ZFHX3: variants seen among roughly 807,000 people sequenced by gnomAD.
ZFHX3 encodes the protein zinc finger homeobox protein 3.
ZFHX3 carries 42 observed loss-of-function variants against 279.1 expected under a neutral mutation model. The observed-to-expected ratio is 0.15, with a 90% confidence interval of 0.12 to 0.19. The LOEUF (loss-of-function observed/expected upper bound fraction) is 0.19, where lower values mean the gene tolerates loss of function less well. Ranked by LOEUF, ZFHX3 falls within the 10% of genes least tolerant of loss-of-function variation. The pLI is 1.00. For synonymous variants in ZFHX3, 2,293 were observed against 1,957.8 expected (o/e 1.17, Z -4.52); for missense variants, 4,981 against 4,754.0 (o/e 1.05, Z -1.40).
At chr16:73,137,171 C>T (rs1452402755) in intron 6 of ZFHX3, 4 of 152,066 alleles carry the variant, frequency 2.6e-5, no homozygotes, top group Non-Finnish European at 5.9e-5. Flanking sequence ...TTTGTAGATA[C>T]CTACACTGCA....
rs565526515 is a variant in ZFHX3, at chr16:73,066,719, C to T, written c.-532-7707G>A. Among the ~76,000 whole-genome samples, 183 of 152,316 alleles carry T rather than the reference C, an allele frequency of 1.2e-3. 1 individual carries two copies. The highest frequency in any genetic ancestry group is 3.8e-3 in the African/African-American group (157 of 41,590). ...GGAAAGGAGAGGGCGCGGCGAGGGGCGCACCTCGCGCCCAGGGCCCACGCC... is the reference window on the plus strand; with the variant it reads ...GGAAAGGAGAGGGCGCGGCGAGGGGTGCACCTCGCGCCCAGGGCCCACGCC... On this transcript the variant is annotated intron_variant, in intron 8 of 17. Coordinates refer to the ZFHX3 transcript ENST00000641206.
chr16:73,853,406 T>C (rs1320105185), intron 1 of ZFHX3, among the ~76,000 whole-genome samples: 4 of 152,196 alleles, frequency 2.6e-5, no homozygotes, highest in Admixed American at 1.3e-4. Context: ...AGCAAAGTCA[T>C]GGACCTACGT....
intron 7 of ZFHX3, among the ~76,000 whole-genome samples, chr16:72,803,756 CCCA>C (rs1285525637): frequency 2.6e-5 from 4 of 152,204 alleles, no homozygotes; most frequent in African/African-American, 9.6e-5. Context: ...AATTATATCC[CCCA>C]CTCTATTCAC....
chr16:73,473,550 A>G (rs2018713389), intron 2 of ZFHX3, among the ~76,000 whole-genome samples: 1 of 152,078 alleles, frequency 6.6e-6, no homozygotes, highest in South Asian at 2.1e-4. Flanking sequence ...ATGAGACCAG[A>G]GTAGAATCAC....
At chr16:73,491,740 T>G (rs2019059853) in intron 2 of ZFHX3, among the ~76,000 whole-genome samples, 1 of 152,136 alleles carries the variant, frequency 6.6e-6, no homozygotes, top group African/African-American at 2.4e-5. Context: ...TAGCAGTGTA[T>G]AGAGACATTT....
At chr16:72,956,483 G>GC (rs1267639766) in intron 2 of ZFHX3, among the ~76,000 whole-genome samples, 1 of 152,166 alleles carries the variant, frequency 6.6e-6, no homozygotes, top group African/African-American at 2.4e-5. Flanking sequence ...TTTGGCAGCA[G>GC]CAGCTATCCT....
chr16:73,077,596 TAAGAG>T (rs1856977583), intron 8 of ZFHX3, among the ~76,000 whole-genome samples: 1 of 152,094 alleles, frequency 6.6e-6, no homozygotes, highest in Non-Finnish European at 1.5e-5. Context: ...AAGAAACGTT[TAAGAG>T]TTCATCCTGC....
chr16:73,602,094 T>C (rs1314968152), intron 2 of ZFHX3, among the ~76,000 whole-genome samples: 1 of 152,088 alleles, frequency 6.6e-6, no homozygotes, highest in Non-Finnish European at 1.5e-5. Flanking sequence ...ATGTTACCAC[T>C]GCACTCCAGC....
intron 2 of ZFHX3, among the ~76,000 whole-genome samples, chr16:73,674,603 A>C (rs2052935452): frequency 6.6e-6 from 1 of 152,202 alleles, no homozygotes; most frequent in African/African-American, 2.4e-5. Flanking sequence ...TGCCCTTGCA[A>C]TAGGACATGA....
chr16:73,423,493 C>T (rs919955138), intron 3 of ZFHX3, among the ~76,000 whole-genome samples: 2 of 152,082 alleles, frequency 1.3e-5, no homozygotes, highest in African/African-American at 4.8e-5. Context: ...GTCAGTGATG[C>T]GTTTAGGTCT....
intron 3 of ZFHX3, among the ~76,000 whole-genome samples, chr16:72,904,886 C>T (rs976137986): frequency 6.6e-6 from 1 of 152,154 alleles, no homozygotes; most frequent in African/African-American, 2.4e-5. Context: ...GGCTAGAGTG[C>T]AGTAGTGCCA....
intron 1 of ZFHX3, among the ~76,000 whole-genome samples, chr16:73,838,063 C>A (rs987557312): frequency 2.6e-5 from 4 of 152,234 alleles, no homozygotes; most frequent in Non-Finnish European, 5.9e-5. Context: ...TTAGCATTTA[C>A]ATGTCTCCAT....
chr16:73,139,681 T>C (rs1209835063), intron 6 of ZFHX3, among the ~76,000 whole-genome samples: 1 of 152,242 alleles, frequency 6.6e-6, no homozygotes, highest in Non-Finnish European at 1.5e-5. Context: ...GCCGTGATGC[T>C]CCAACTCTTT....
chr16:73,479,938 G>C (rs2018835359), intron 2 of ZFHX3, among the ~76,000 whole-genome samples: 1 of 152,180 alleles, frequency 6.6e-6, no homozygotes, highest in South Asian at 2.1e-4. Flanking sequence ...GGAGGCATGG[G>C]GAGGTTAAAA....
intron 5 of ZFHX3, among the ~76,000 whole-genome samples, chr16:73,217,384 C>T (rs964516094): frequency 6.6e-6 from 1 of 152,154 alleles, no homozygotes; most frequent in African/African-American, 2.4e-5. Flanking sequence ...CAACATGCAA[C>T]CCACCAAAAT....
intron 5 of ZFHX3, among the ~76,000 whole-genome samples, chr16:73,190,961 G>C (rs1395019798): frequency 1.3e-5 from 2 of 151,952 alleles, no homozygotes; most frequent in African/African-American, 4.8e-5. Flanking sequence ...CATTGGTTAG[G>C]GGAAACGTGT....
At chr16:73,669,493 G>C (rs1412798258) in intron 2 of ZFHX3, among the ~76,000 whole-genome samples, 1 of 152,200 alleles carries the variant, frequency 6.6e-6, no homozygotes, top group Non-Finnish European at 1.5e-5. Flanking sequence ...GTGACCAAAA[G>C]ACTCAGGGAA....
chr16:73,232,107 AC>A (rs1450770767), intron 5 of ZFHX3: 1 of 151,596 alleles, frequency 6.6e-6, no homozygotes, highest in Admixed American at 6.6e-5. Flanking sequence ...AGAATACAGG[AC>A]CCCCTCCTCA....
chr16:73,405,987 T>A (rs562156358), intron 3 of ZFHX3, among the ~76,000 whole-genome samples: 1 of 152,192 alleles, frequency 6.6e-6, no homozygotes, highest in Non-Finnish European at 1.5e-5. Context: ...TAGGGATGTG[T>A]GGTTTCCAAG....
Sources: allele counts gnomAD v4.1 joint callset (sites outside exome capture counted in the v4.1 genomes callset), GRCh38; gene constraint gnomAD v4.1.1; transcripts MANE v1.5; gene names NCBI Gene and HGNC (gene_info 2026-07-23, HGNC 2026-07-21).